The following TSPAN33 variants were observed in gnomAD, a reference collection of about 807,000 sequenced individuals.
TSPAN33 encodes tetraspanin-33.
TSPAN33 carries 27 observed loss-of-function variants against 34.8 expected under a neutral mutation model. The observed-to-expected ratio is 0.78, with a 90% CI of 0.57 to 1.07. TSPAN33 has a LOEUF of 1.07. Among genes scored for constraint, TSPAN33 ranks in the 50% least tolerant of loss-of-function variants. The pLI is 0.00. For missense variants in TSPAN33, 272 were observed against 324.9 expected, an observed-to-expected ratio of 0.84 and a Z score of 1.25; for synonymous variants, 119 against 124.2, an observed-to-expected ratio of 0.96 and a Z score of 0.28.
chr7:129,160,564 T>C (rs139295458), intron 1 of TSPAN33, among the ~76,000 whole-genome samples: 160 of 152,324 alleles, frequency 1.1e-3, no homozygotes, highest in African/African-American at 3.5e-3. Context: ...GGGTTTGTTC[T>C]CTCAGGGAGA....
At chr7:129,166,568 G>A (rs1793143601) in intron 5 of TSPAN33, 1 of 540,658 alleles carries the variant, frequency 1.8e-6, no homozygotes. Context: ...GTTATAACAA[G>A]ATATACGAAG....
Position 129,167,138 on chromosome 7 carries a change from T to G in TSPAN33, c.588+232T>G, listed in dbSNP as rs1438440401. Among the ~76,000 whole-genome samples the G allele has an allele frequency of 1.3e-5, 2 of 152,238 alleles. No individual in the cohort carries two copies. The highest frequency in any genetic ancestry group is 2.4e-5 in the African/African-American group (1 of 41,460). On this transcript the variant is annotated intron_variant, in intron 6 of 7. Coordinates refer to ENST00000486685, the MANE Select transcript of TSPAN33 (RefSeq NM_178562.5). This position sits in a 1 kb window ranked among gnomAD's most constrained non-coding sequence, Gnocchi z 4.6. ...AAGTTTTAAGTTCAGATTCAGTACCTGTGCAGGTTTGTTATATAAGTAAAC... is the reference window on the plus strand; with the variant it reads ...AAGTTTTAAGTTCAGATTCAGTACCGGTGCAGGTTTGTTATATAAGTAAAC...
In TSPAN33 at chr7:129,145,085, G is replaced by A; in HGVS notation, c.102+3G>A. On this transcript the variant is annotated splice_donor_region_variant and intron_variant, in intron 1 of 7. Coordinates refer to ENST00000486685, the MANE Select transcript of TSPAN33 (RefSeq NM_178562.5). ...TCTTCTTCAACATGCTCTTCTGGGTGAGTCTCGGGGTCGAGGGCACCTGGG... is the reference window on the plus strand; with the variant it reads ...TCTTCTTCAACATGCTCTTCTGGGTAAGTCTCGGGGTCGAGGGCACCTGGG... The A allele has an allele frequency of 1.4e-6, 1 of 705,396 alleles. No homozygotes were observed. The highest frequency in any genetic ancestry group is 1.5e-5 in the South Asian group (1 of 67,208). 43.7% of individuals were successfully genotyped at this position (705,396 alleles called of 1,614,324 possible).
At chr7:129,164,770 T>C (rs1037792574) in intron 5 of TSPAN33, 7 of 519,774 alleles carry the variant, frequency 1.3e-5, no homozygotes, top group African/African-American at 9.7e-5. Context: ...AGTAATCTAC[T>C]GTGTTATAAA....
At chr7:129,162,338 T>A in intron 2 of TSPAN33, 56 bp from the exon 3 acceptor site, 5 of 1,601,066 alleles carry the variant, frequency 3.1e-6, no homozygotes, top group Non-Finnish European at 4.2e-6. Flanking sequence ...TCCCACCCCA[T>A]CCAGGGGTTC....
rs536074844 is a variant in TSPAN33, at chr7:129,169,650, A to G, written c.*1776A>G. 1 of 152,380 alleles carries G rather than the reference A, an allele frequency of 6.6e-6. No individual in the cohort carries two copies. 9.4% of individuals were successfully genotyped at this position (152,380 alleles called of 1,614,324 possible). A position where few individuals can be genotyped will look rare whatever the true frequency, so the allele number is the denominator to read the frequency against. ...CCTGGCCAGTGTTTAGCTCCCAACT[A>G]GTAACAGACGGAAAGAAAAAATAAA... On this transcript the variant is annotated 3_prime_UTR_variant, in exon 8 of 8. Coordinates refer to ENST00000486685, the MANE Select transcript of TSPAN33 (RefSeq NM_178562.5).
chr7:129,160,343 A>G (rs958210129), intron 1 of TSPAN33, among the ~76,000 whole-genome samples: 2 of 152,162 alleles, frequency 1.3e-5, no homozygotes, highest in African/African-American at 4.8e-5. Context: ...TGAGTTGGTC[A>G]AGACCCTGCT....
chr7:129,145,212 A>C, intron 1 of TSPAN33, 130 bp downstream of exon 1: 1 of 450,828 alleles, frequency 2.2e-6, no homozygotes, highest in South Asian at 3.2e-5. Flanking sequence ...GGGGGAATTT[A>C]TCCTGGGGAG....
At position 129,168,161 on chromosome 7, in the gene TSPAN33, CAG is replaced by C. The variant is rs1793172508; in HGVS notation, c.*292_*293del. ...TTTTGTTTGGGAAACAGCAGTTGCA[CAG>C]AGAGTTGGGGGTACTGCTGCTGCCT... is the stretch of plus-strand genomic sequence containing the variant. On this transcript the variant is annotated 3_prime_UTR_variant, in exon 8 of 8. Transcript: ENST00000486685. The C allele has an allele frequency of 2.5e-6, 1 of 406,890 alleles. No homozygotes were observed. The highest frequency in any genetic ancestry group is 4.3e-6 in the Non-Finnish European group (1 of 231,278). 25.2% of individuals were successfully genotyped at this position (406,890 alleles called of 1,614,324 possible).
At chr7:129,151,237 C>T (rs1351472908) in intron 1 of TSPAN33, among the ~76,000 whole-genome samples, 1 of 152,092 alleles carries the variant, frequency 6.6e-6, no homozygotes, top group East Asian at 1.9e-4. Flanking sequence ...AGCAATCGTC[C>T]CACCCCACCC....
At chr7:129,149,805 C>T (rs1472783690) in intron 1 of TSPAN33, among the ~76,000 whole-genome samples, 1 of 152,262 alleles carries the variant, frequency 6.6e-6, no homozygotes, top group Non-Finnish European at 1.5e-5. Context: ...CAGTGTCCCC[C>T]AATCCAGAGG....
rs1356495378 is a variant in TSPAN33, at chr7:129,167,236, G to C, written c.589-163G>C. ...AAGAGACCTGGATCCTGACCTCTCAGAGGAAGGGAAGTCTGCATTTGGCAA... is the reference window on the plus strand; with the variant it reads ...AAGAGACCTGGATCCTGACCTCTCACAGGAAGGGAAGTCTGCATTTGGCAA... On this transcript the variant is annotated intron_variant, in intron 6 of 7. Transcript: ENST00000486685. This position sits in a 1 kb window ranked among gnomAD's most constrained non-coding sequence, Gnocchi z 4.6. Among the ~76,000 whole-genome samples, 1 of 152,170 alleles carries C rather than the reference G, an allele frequency of 6.6e-6. No individual in the cohort carries two copies. Among genetic ancestry groups the C allele is most frequent in the Non-Finnish European group, 1.5e-5 (1 of 68,032 alleles).
chr7:129,163,503 G>A (rs528548862), intron 4 of TSPAN33, among the ~76,000 whole-genome samples: 55 of 152,014 alleles, frequency 3.6e-4, no homozygotes, highest in African/African-American at 1.0e-3. Flanking sequence ...AAAAGGTTTT[G>A]AACAATGCTT....
rs73230567 is a variant in TSPAN33, at chr7:129,167,729, C to G, written c.751-44C>G. 193,798 of 1,598,328 alleles carry G rather than the reference C, an allele frequency of 0.12. 13,501 individuals carry two copies. The highest frequency in any genetic ancestry group is 0.14 in the Non-Finnish European group (160,344 of 1,166,544). Reference sequence around the variant, plus strand: ...AAGATCGAGCCAGGGAAAACAAGGCCATCACTCACTGCTGAGTGCCCAATT... The same window carrying G: ...AAGATCGAGCCAGGGAAAACAAGGCGATCACTCACTGCTGAGTGCCCAATT... On this transcript the variant is annotated intron_variant, in intron 7 of 7. Transcript: ENST00000486685. The surrounding 1 kb of genome is among the most constrained non-coding windows in gnomAD (Gnocchi z 4.6).
At chr7:129,151,410 A>G (rs978501216) in intron 1 of TSPAN33, among the ~76,000 whole-genome samples, 1 of 152,042 alleles carries the variant, frequency 6.6e-6, no homozygotes, top group Non-Finnish European at 1.5e-5. Context: ...ATGAGCCACC[A>G]TGCCTGGCCC....
rs1793170669 is a variant in TSPAN33 at position 129,168,010 on chromosome 7, C to A, written c.*136C>A. The A allele has an allele frequency of 6.8e-7, 1 of 1,468,522 alleles. No homozygotes were observed. The highest frequency in any genetic ancestry group is 1.4e-5 in the South Asian group (1 of 71,556). The allele number at this position is 1,468,522 out of a possible 1,614,324, so 91.0% of individuals were successfully genotyped here. A position where few individuals can be genotyped will look rare whatever the true frequency, so the allele number is the denominator to read the frequency against. Reference sequence around the variant, plus strand: ...CAGCCCAGTGGGAAGAAGCAAACTCCAGATGGGCAGAAGGCAGGGTGCACA... The same window carrying A: ...CAGCCCAGTGGGAAGAAGCAAACTCAAGATGGGCAGAAGGCAGGGTGCACA... On this transcript the variant is annotated 3_prime_UTR_variant, in exon 8 of 8. Transcript: ENST00000486685.
chr7:129,158,100 G>C (rs1221008126), intron 1 of TSPAN33, among the ~76,000 whole-genome samples: 1 of 152,180 alleles, frequency 6.6e-6, no homozygotes, highest in Non-Finnish European at 1.5e-5. Context: ...CACCACAGCA[G>C]TCCAGCCTCT....
Position 129,144,988 on chromosome 7 carries a change from G to A in TSPAN33, c.8G>A (p.Arg3Gln). 1.5e-6 allele frequency: 1 copy of A among 649,832 alleles called. No individual in the cohort carries two copies. The highest frequency in any genetic ancestry group is 2.8e-6 in the Non-Finnish European group (1 of 355,656). 40.3% of individuals were successfully genotyped at this position (649,832 alleles called of 1,614,324 possible). A position where few individuals can be genotyped will look rare whatever the true frequency, so the allele number is the denominator to read the frequency against. The change falls in exon 1 of 8, where the codon CGG becomes CAG. Residue 3 changes from arginine (R) to glutamine (Q), a missense_variant. Transcript: ENST00000486685. Reference protein sequence around the residue: MARRPRAPAASGE... With the variant: MAQRPRAPAASGE... ...GGTGGCGGCGGCGGGGCCATGGCGC[G>A]GAGACCCCGGGCGCCGGCCGCCTCC...
At chr7:129,146,968 C>G (rs372163754) in intron 1 of TSPAN33, among the ~76,000 whole-genome samples, 4 of 151,652 alleles carry the variant, frequency 2.6e-5, no homozygotes, top group Non-Finnish European at 5.9e-5. Context: ...TTCCCTACCC[C>G]CTACCTCCAC....
Sources: gnomAD v4.1 joint callset for allele counts (sites outside exome capture counted in the v4.1 genomes callset) on GRCh38, gnomAD v4.1.1 for gene constraint, Gnocchi (gnomAD v3.1) non-coding constraint, MANE v1.5 for transcripts, NCBI Gene and HGNC (gene_info 2026-07-23, HGNC 2026-07-21) for gene names.